The following CDH13 variants were observed in gnomAD, a reference collection of about 807,000 sequenced individuals.
The protein encoded by CDH13 is cadherin 13.
In CDH13, 24 loss-of-function variants were observed where a neutral mutation model predicts 63.8. That is an observed-to-expected ratio of 0.38 (90% CI 0.27 to 0.53). CDH13 has a LOEUF of 0.53. CDH13 is among the 20% of genes least tolerant of loss of function. The pLI, the probability that CDH13 is intolerant of heterozygous loss-of-function variation, is 0.85. For missense variants in CDH13, 1,049 were observed against 903.1 expected, an observed-to-expected ratio of 1.16 and a Z score of -2.07; for synonymous variants, 503 against 355.3, an observed-to-expected ratio of 1.42 and a Z score of -4.67.
At chr16:82,790,153 T>C (rs1415621424) in intron 1 of CDH13, among the ~76,000 whole-genome samples, 6 of 152,118 alleles carry the variant, frequency 3.9e-5, no homozygotes, top group Non-Finnish European at 7.3e-5. Context: ...TTTCTAATTA[T>C]AGGCCAGGCG....
chr16:83,746,658 A>G (rs1479235084), intron 10 of CDH13, among the ~76,000 whole-genome samples: 2 of 148,394 alleles, frequency 1.3e-5, no homozygotes, highest in African/African-American at 4.8e-5. Flanking sequence ...AATCAACTTC[A>G]TGCATCTTTA....
chr16:83,063,707 T>G (rs566269962), intron 3 of CDH13, among the ~76,000 whole-genome samples: 1 of 152,278 alleles, frequency 6.6e-6, no homozygotes, highest in East Asian at 1.9e-4. Flanking sequence ...AACACAAATT[T>G]ATTCTGTTTT....
intron 4 of CDH13, among the ~76,000 whole-genome samples, chr16:83,170,040 C>T (rs1424888325): frequency 6.6e-6 from 1 of 151,722 alleles, no homozygotes; most frequent in African/African-American, 2.4e-5. Context: ...TTTTAAATAC[C>T]CATTCTTTTT....
intron 5 of CDH13, among the ~76,000 whole-genome samples, chr16:83,274,206 G>A (rs2088913637): frequency 6.6e-6 from 1 of 152,214 alleles, no homozygotes; most frequent in Admixed American, 6.5e-5. Flanking sequence ...ATTCTGCTGG[G>A]TGGGATTGCT....
At chr16:83,316,124 T>A (rs2090099664) in intron 5 of CDH13, among the ~76,000 whole-genome samples, 1 of 152,102 alleles carries the variant, frequency 6.6e-6, no homozygotes, top group Non-Finnish European at 1.5e-5. Flanking sequence ...GAAGAGCCCC[T>A]GATAAAGCCA....
intron 1 of CDH13, among the ~76,000 whole-genome samples, chr16:82,678,126 CGG>C (rs1051543702): frequency 3.9e-5 from 6 of 152,186 alleles, no homozygotes; most frequent in Non-Finnish European, 7.4e-5. Context: ...GTATCTAGTA[CGG>C]GAAACTTTCT....
chr16:82,892,451 A>T (rs2041113201), intron 2 of CDH13, among the ~76,000 whole-genome samples: 1 of 152,176 alleles, frequency 6.6e-6, no homozygotes, highest in Non-Finnish European at 1.5e-5. Flanking sequence ...TATTCAAAAG[A>T]TTGTGCTGTC....
chr16:83,745,657 A>G (rs988748437), intron 10 of CDH13, among the ~76,000 whole-genome samples: 1 of 152,232 alleles, frequency 6.6e-6, no homozygotes, highest in Admixed American at 6.5e-5. Flanking sequence ...ACCCAAGTTG[A>G]CCATCCCTTC....
intron 6 of CDH13, among the ~76,000 whole-genome samples, chr16:83,466,056 GTC>G (rs1234921938): frequency 6.6e-6 from 1 of 152,130 alleles, no homozygotes; most frequent in Non-Finnish European, 1.5e-5. Flanking sequence ...GGAGCTTGTG[GTC>G]TCTCGAGGCA....
intron 1 of CDH13, among the ~76,000 whole-genome samples, chr16:82,721,181 C>G (rs1333176525): frequency 6.6e-6 from 1 of 152,068 alleles, no homozygotes; most frequent in South Asian, 2.1e-4. Flanking sequence ...GATATTAAAA[C>G]CTCAGTTTCT....
chr16:83,075,314 C>T (rs9928498), intron 3 of CDH13, among the ~76,000 whole-genome samples: 93 of 152,288 alleles, frequency 6.1e-4, no homozygotes, highest in African/African-American at 2.0e-3. Context: ...GACTATGTGG[C>T]CCCGTGAAGA....
In CDH13 at chr16:83,635,332, C is replaced by CTTTTTTTTTTTT. The variant is rs71148847; in HGVS notation, c.1101+32756_1101+32767dup. Among the ~76,000 whole-genome samples the CTTTTTTTTTTTT allele has an allele frequency of 1.1e-4, 5 of 46,716 alleles. 1 individual carries two copies. Among genetic ancestry groups the CTTTTTTTTTTTT allele is most frequent in the East Asian group, 7.2e-4 (1 of 1,390 alleles). 30.6% of individuals were successfully genotyped at this position (46,716 alleles called of 152,430 possible). A position where few individuals can be genotyped will look rare whatever the true frequency, so the allele number is the denominator to read the frequency against. On this transcript the variant is annotated intron_variant, in intron 8 of 13. Transcript: ENST00000567109. ...ACTTTAACTTTTGCCCATTTTCTTTCTTTTTTTTTTTTTTTTTTTTTTTTT... is the reference window on the plus strand; with the variant it reads ...ACTTTAACTTTTGCCCATTTTCTTTCTTTTTTTTTTTTTTTTTTTTTTTTTTTTTTTTTTTTT...
intron 4 of CDH13, among the ~76,000 whole-genome samples, chr16:83,164,362 C>T (rs1474391928): frequency 6.6e-6 from 1 of 152,012 alleles, no homozygotes; most frequent in African/African-American, 2.4e-5. Context: ...CCACACACCA[C>T]ACATGGTGGA....
At chr16:83,693,066 G>A (rs1027970516) in intron 10 of CDH13, among the ~76,000 whole-genome samples, 10 of 152,138 alleles carry the variant, frequency 6.6e-5, no homozygotes, top group Non-Finnish European at 1.2e-4. Context: ...CTGGGTAACC[G>A]AGTGAGACTC....
At chr16:82,928,160 G>GTCTA (rs1183274298) in intron 2 of CDH13, among the ~76,000 whole-genome samples, 7 of 34,000 alleles carry the variant, frequency 2.1e-4, no homozygotes, top group African/African-American at 4.9e-4. Context: ...GTAGGCAGTC[G>GTCTA]TGTATGTGTG....
intron 5 of CDH13, among the ~76,000 whole-genome samples, chr16:83,267,767 T>C (rs557705300): frequency 3.5e-4 from 53 of 152,278 alleles, no homozygotes; most frequent in South Asian, 1.4e-3. Flanking sequence ...ATGAGCCAAA[T>C]AATTTTTTTT....
intron 2 of CDH13, among the ~76,000 whole-genome samples, chr16:82,866,377 CTTTTTTTTTTTTTTTTT>C (rs538206338): frequency 3.4e-5 from 2 of 58,298 alleles, no homozygotes; most frequent in Non-Finnish European, 5.8e-5. Flanking sequence ...TTTTCTTCTT[CTTTTTTTTTTTTTTTTT>C]TTTTTTTTTT....
intron 2 of CDH13, among the ~76,000 whole-genome samples, chr16:82,916,745 A>AT: frequency 6.6e-6 from 1 of 152,218 alleles, no homozygotes; most frequent in African/African-American, 2.4e-5. Flanking sequence ...TTGTTAAAAT[A>AT]TTTAGTTGTA....
intron 2 of CDH13, among the ~76,000 whole-genome samples, chr16:82,919,311 A>G (rs2042085156): frequency 6.6e-6 from 1 of 152,226 alleles, no homozygotes; most frequent in African/African-American, 2.4e-5. Flanking sequence ...TCAGCCTCGT[A>G]CTAAGCCTAG....
Sources: allele counts gnomAD v4.1 joint callset (sites outside exome capture counted in the v4.1 genomes callset), GRCh38; gene constraint gnomAD v4.1.1; transcripts MANE v1.5; gene names NCBI Gene and HGNC (gene_info 2026-07-23, HGNC 2026-07-21).